The following CACNA2D2 variants were observed in gnomAD, a reference collection of about 807,000 sequenced individuals.
CACNA2D2 encodes the protein calcium voltage-gated channel auxiliary subunit alpha2delta 2.
In CACNA2D2, 48 loss-of-function variants were observed where a neutral mutation model predicts 166.4. The observed-to-expected ratio is 0.29, with a 90% CI of 0.23 to 0.37. The LOEUF (loss-of-function observed/expected upper bound fraction) is 0.37, where lower values mean the gene tolerates loss of function less well. CACNA2D2 is among the 10% of genes least tolerant of loss of function. CACNA2D2 has a pLI of 1.00. For synonymous variants in CACNA2D2, 561 were observed against 573.7 expected, an observed-to-expected ratio of 0.98 and a Z score of 0.32; for missense variants, 1,122 against 1,433.0, an observed-to-expected ratio of 0.78 and a Z score of 3.50.
In CACNA2D2 at chr3:50,380,614, C is replaced by A; in HGVS notation, c.842+134G>T. 1.4e-6 allele frequency: 1 copy of A among 721,974 alleles called. No homozygotes were observed. Among genetic ancestry groups the A allele is most frequent in the Non-Finnish European group, 2.2e-6 (1 of 451,254 alleles). The allele number at this position is 721,974 out of a possible 1,614,324, so 44.7% of individuals were successfully genotyped here. On this transcript the variant is annotated intron_variant, in intron 8 of 37. Coordinates refer to ENST00000424201, the MANE Select transcript of CACNA2D2 (RefSeq NM_006030.4). The surrounding 1 kb of genome is among the most constrained non-coding windows in gnomAD (Gnocchi z 4.9). ...ATGGGATCCATTTTCCAGTGGCAAC[C>A]ATGTGTGAAATGAAAATTGGATACA... is the stretch of plus-strand genomic sequence containing the variant.
At chr3:50,404,621 G>C (rs1453911256) in intron 3 of CACNA2D2, among the ~76,000 whole-genome samples, 7 of 152,198 alleles carry the variant, frequency 4.6e-5, no homozygotes, top group African/African-American at 1.7e-4. Flanking sequence ...CAGGACATGG[G>C]AGGGTGACAG....
intron 3 of CACNA2D2, among the ~76,000 whole-genome samples, chr3:50,396,695 C>T (rs1706172577): frequency 6.6e-6 from 1 of 151,656 alleles, no homozygotes; most frequent in African/African-American, 2.4e-5. Context: ...AGTAACTTGG[C>T]CCGGAGGCTG....
At chr3:50,484,419 C>T (rs552868997) in intron 1 of CACNA2D2, among the ~76,000 whole-genome samples, 28 of 152,262 alleles carry the variant, frequency 1.8e-4, no homozygotes, top group Admixed American at 5.2e-4. Context: ...CTGTCAACTC[C>T]GTCGCACTAA....
intron 2 of CACNA2D2, among the ~76,000 whole-genome samples, chr3:50,443,680 C>T (rs1046119913): frequency 1.3e-5 from 2 of 152,252 alleles, no homozygotes; most frequent in African/African-American, 2.4e-5. Flanking sequence ...CCTACAACAG[C>T]CCAAGTAGAC....
rs1704087219 is a variant in CACNA2D2, at chr3:50,364,249, A to C, written c.*417T>G. Reference sequence around the variant, plus strand: ...CAAACTGGCCATCTCACCTTCCTCCACTATTCTCACAGAAACCAAGTTTGG... The same window carrying C: ...CAAACTGGCCATCTCACCTTCCTCCCCTATTCTCACAGAAACCAAGTTTGG... On this transcript the variant is annotated 3_prime_UTR_variant, in exon 38 of 38. Coordinates refer to ENST00000424201, the MANE Select transcript of CACNA2D2 (RefSeq NM_006030.4). 5.1e-6 allele frequency: 1 copy of C among 194,190 alleles called. No homozygotes were observed. The highest frequency in any genetic ancestry group is 1.0e-5 in the Non-Finnish European group (1 of 95,278). The allele number at this position is 194,190 out of a possible 1,614,324, so 12.0% of individuals were successfully genotyped here.
chr3:50,435,586 G>T (rs548758965), intron 2 of CACNA2D2, among the ~76,000 whole-genome samples: 10 of 149,774 alleles, frequency 6.7e-5, no homozygotes, highest in Non-Finnish European at 1.3e-4. Flanking sequence ...GAGAGATAAG[G>T]TCGGTAGAGT....
chr3:50,425,070 G>A (rs1310936344), intron 3 of CACNA2D2, among the ~76,000 whole-genome samples: 4 of 152,208 alleles, frequency 2.6e-5, no homozygotes, highest in South Asian at 2.1e-4. Flanking sequence ...GTGACTGGCC[G>A]CTCCCAGGGC....
intron 3 of CACNA2D2, among the ~76,000 whole-genome samples, chr3:50,420,776 C>T (rs1193853265): frequency 6.6e-6 from 1 of 152,184 alleles, no homozygotes; most frequent in Non-Finnish European, 1.5e-5. Flanking sequence ...CCATGTGTGG[C>T]TATATGTGCT....
At chr3:50,373,263 A>G (rs587762467) in intron 22 of CACNA2D2, among the ~76,000 whole-genome samples, 5 of 151,566 alleles carry the variant, frequency 3.3e-5, no homozygotes, top group East Asian at 4.0e-4. Context: ...AAAAAACGAC[A>G]TGAGAGAGAA....
At chr3:50,470,484 G>A (rs1357678084) in intron 2 of CACNA2D2, among the ~76,000 whole-genome samples, 1 of 151,996 alleles carries the variant, frequency 6.6e-6, no homozygotes, top group African/African-American at 2.4e-5. Flanking sequence ...ACCTAAGCCA[G>A]TCAGCTGGCC....
At chr3:50,434,283 C>G in intron 3 of CACNA2D2, 30 bp downstream of exon 3, 1 of 1,522,380 alleles carries the variant, frequency 6.6e-7, no homozygotes, top group East Asian at 2.3e-5. Context: ...CCCTCAGTGC[C>G]GCCCCCCTGC....
chr3:50,458,403 A>C (rs1000880752), intron 2 of CACNA2D2, among the ~76,000 whole-genome samples: 4 of 152,188 alleles, frequency 2.6e-5, no homozygotes, highest in Admixed American at 6.5e-5. Context: ...AGCAGTTCTC[A>C]AACTGTGTTC....
At position 50,413,915 on chromosome 3, in the gene CACNA2D2, C is replaced by T. The variant is rs967067926; in HGVS notation, c.406-19747G>A. On this transcript the variant is annotated intron_variant, in intron 3 of 37. Transcript: ENST00000424201. ...AGCCAGGGTTTCGGTTGCCAGGGCC[C>T]CATTTCCCCCATGAAACCCACCCCC... Among the ~76,000 whole-genome samples the T allele has an allele frequency of 3.3e-5, 5 of 152,044 alleles. No individual in the cohort carries two copies. In the East Asian group the frequency reaches 7.7e-4, roughly 23 times the overall value.
At position 50,439,339 on chromosome 3, in the gene CACNA2D2, C is replaced by T. The variant is rs79691450; in HGVS notation, c.289-4910G>A. ...AACCCTGGGAGTCAAAACAGGCACTCGCACGCAAGGCTCCTCTCCGCAGCG... is the reference window on the plus strand; with the variant it reads ...AACCCTGGGAGTCAAAACAGGCACTTGCACGCAAGGCTCCTCTCCGCAGCG... On this transcript the variant is annotated intron_variant, in intron 2 of 37. Coordinates refer to ENST00000424201, the MANE Select transcript of CACNA2D2 (RefSeq NM_006030.4). Among the ~76,000 whole-genome samples, 8 of 152,336 alleles carry T rather than the reference C, an allele frequency of 5.3e-5. No individual in the cohort carries two copies. The East Asian group carries it at 9.6e-4, about 18-fold the overall frequency.
chr3:50,410,701 G>A (rs1706969138), intron 3 of CACNA2D2, among the ~76,000 whole-genome samples: 2 of 152,240 alleles, frequency 1.3e-5, no homozygotes, highest in South Asian at 2.1e-4. Flanking sequence ...GGGAAAGGGG[G>A]TAAGTGGGAC....
intron 1 of CACNA2D2, among the ~76,000 whole-genome samples, chr3:50,499,308 C>T (rs1386667894): frequency 1.3e-5 from 2 of 152,160 alleles, no homozygotes; most frequent in East Asian, 1.9e-4. Flanking sequence ...CCACCTAGCC[C>T]GTGGGAGCCC....
At chr3:50,422,512 C>T (rs1350036234) in intron 3 of CACNA2D2, among the ~76,000 whole-genome samples, 3 of 152,208 alleles carry the variant, frequency 2.0e-5, no homozygotes, top group African/African-American at 7.2e-5. Context: ...AGGGATCTTC[C>T]CTGCCAAGCC....
chr3:50,378,974 G>A lies in CACNA2D2; in HGVS notation c.1280C>T (p.Ser427Phe). 6.2e-7 allele frequency: 1 copy of A among 1,613,938 alleles called. No homozygotes were observed. Among genetic ancestry groups the A allele is most frequent in the Non-Finnish European group, 8.5e-7 (1 of 1,180,032 alleles). ...PNRTVRVFTF[S>F]VGQHNYDVTP... ...GACGTCATAGTTATGCTGCCCCACGGAGAAAGTAAACACGCGCACCTGTGG... is the reference window on the plus strand; with the variant it reads ...GACGTCATAGTTATGCTGCCCCACGAAGAAAGTAAACACGCGCACCTGTGG... The change falls in exon 13 of 38, where the codon TCC becomes TTC. Residue 427 changes from serine (S) to phenylalanine (F), a missense_variant. Physicochemically the swap from Ser to Phe is radical, Grantham distance 155 (BLOSUM62 -2). Transcript: ENST00000424201.
At chr3:50,435,868 G>A (rs1404768826) in intron 2 of CACNA2D2, among the ~76,000 whole-genome samples, 1 of 152,214 alleles carries the variant, frequency 6.6e-6, no homozygotes, top group Admixed American at 6.5e-5. Flanking sequence ...AAGGGGGCGA[G>A]ACTTGAGGCC....
Sources: gnomAD v4.1 joint callset for allele counts (sites outside exome capture counted in the v4.1 genomes callset) on GRCh38, gnomAD v4.1.1 for gene constraint, Gnocchi (gnomAD v3.1) non-coding constraint, MANE v1.5 for transcripts, NCBI Gene and HGNC (gene_info 2026-07-23, HGNC 2026-07-21) for gene names.